Variants in MITF observed in about 807,000 individuals in gnomAD.
MITF encodes microphthalmia-associated transcription factor.
Under a neutral mutation model 60.5 loss-of-function variants are expected in MITF, and 17 were observed. That is an observed-to-expected ratio of 0.28 (90% CI 0.19 to 0.42). MITF has a LOEUF of 0.42. MITF is among the 10% of genes least tolerant of loss of function. The pLI is 1.00. For missense variants in MITF, 622 were observed against 683.5 expected (o/e 0.91, Z 1.00); for synonymous variants, 260 against 248.5 (o/e 1.05, Z -0.43).
intron 1 of MITF, among the ~76,000 whole-genome samples, chr3:69,741,008 G>T (rs1206079903): frequency 6.6e-6 from 1 of 152,220 alleles, no homozygotes. Context: ...CTTTATCCAA[G>T]TTGGGGAAGA....
intron 5 of MITF, 113 bp from the exon 6 acceptor site, chr3:69,948,938 T>G: frequency 1.2e-6 from 1 of 800,196 alleles, no homozygotes; most frequent in Non-Finnish European, 2.1e-6. Context: ...AAAATGATTT[T>G]TTGTATCAAA....
chr3:69,960,490 C>G (rs1576058185), intron 9 of MITF, among the ~76,000 whole-genome samples: 1 of 152,244 alleles, frequency 6.6e-6, no homozygotes, highest in East Asian at 1.9e-4. Context: ...AAGGGCACTA[C>G]TTCCTCTGAA....
At chr3:69,764,597 C>A (rs2062261313) in intron 1 of MITF, among the ~76,000 whole-genome samples, 1 of 152,112 alleles carries the variant, frequency 6.6e-6, no homozygotes, top group Non-Finnish European at 1.5e-5. Flanking sequence ...CTTTAATAAC[C>A]CCAGACAGAG....
chr3:69,845,768 G>A (rs1025613942), intron 1 of MITF, among the ~76,000 whole-genome samples: 2 of 152,022 alleles, frequency 1.3e-5, no homozygotes, highest in African/African-American at 4.8e-5. Context: ...CCCATTGTTG[G>A]TCCACCACCC....
At chr3:69,872,195 T>C (rs983540381) in intron 1 of MITF, among the ~76,000 whole-genome samples, 1 of 152,142 alleles carries the variant, frequency 6.6e-6, no homozygotes, top group African/African-American at 2.4e-5. Context: ...CTGTGGAAAA[T>C]GGAGATCAGT....
chr3:69,967,512 C>T lies in MITF; in HGVS notation c.*2264C>T. The T allele has an allele frequency of 4.3e-6, 1 of 233,518 alleles. No homozygotes were observed. Among genetic ancestry groups the T allele is most frequent in the Non-Finnish European group, 8.5e-6 (1 of 117,906 alleles). The allele number at this position is 233,518 out of a possible 1,614,324, so 14.5% of individuals were successfully genotyped here. A position where few individuals can be genotyped will look rare whatever the true frequency, so the allele number is the denominator to read the frequency against. On this transcript the variant is annotated 3_prime_UTR_variant, in exon 10 of 10. Transcript: ENST00000352241. ...TAAAGCAAGGTTGACTAACCTACGG[C>T]CACGGGAACAGGACCATGGTTAAGC...
intron 2 of MITF, chr3:69,936,577 T>G: frequency 1.3e-6 from 2 of 1,505,264 alleles, no homozygotes; most frequent in Non-Finnish European, 1.8e-6. Flanking sequence ...GCAGGGCTTC[T>G]GTGATAAAGT....
At chr3:69,860,496 G>A (rs962721913) in intron 1 of MITF, among the ~76,000 whole-genome samples, 8 of 151,726 alleles carry the variant, frequency 5.3e-5, no homozygotes, top group African/African-American at 1.9e-4. Context: ...TATTCGGGAG[G>A]CTGAGGCAGG....
At chr3:69,749,725 A>G (rs556390855) in intron 1 of MITF, among the ~76,000 whole-genome samples, 1 of 152,364 alleles carries the variant, frequency 6.6e-6, no homozygotes, top group South Asian at 2.1e-4. Flanking sequence ...GCAAAGAAGC[A>G]TGCTTGGAGG....
intron 1 of MITF, among the ~76,000 whole-genome samples, chr3:69,833,222 T>C (rs1471015235): frequency 2.0e-5 from 3 of 152,260 alleles, no homozygotes; most frequent in Admixed American, 2.0e-4. Context: ...CATGTGGTTA[T>C]TTCCCTGTTT....
chr3:69,852,890 G>C (rs982942897), intron 1 of MITF, among the ~76,000 whole-genome samples: 2 of 152,134 alleles, frequency 1.3e-5, no homozygotes, highest in African/African-American at 4.8e-5. Context: ...GTGAGTGCAT[G>C]AAGAGTAGTA....
chr3:69,834,848 T>TTC (rs1245621026), intron 1 of MITF, among the ~76,000 whole-genome samples: 3 of 146,584 alleles, frequency 2.0e-5, no homozygotes, highest in African/African-American at 7.4e-5. Context: ...TTTCTTTTCT[T>TTC]TTTTTTTTTT....
At chr3:69,940,464 A>G (rs1331381508) in intron 4 of MITF, among the ~76,000 whole-genome samples, 2 of 152,230 alleles carry the variant, frequency 1.3e-5, no homozygotes, top group Non-Finnish European at 2.9e-5. Context: ...GTTTATTATC[A>G]TAACTTATGT....
At chr3:69,752,878 T>A (rs1393802685) in intron 1 of MITF, among the ~76,000 whole-genome samples, 1 of 152,206 alleles carries the variant, frequency 6.6e-6, no homozygotes, top group East Asian at 1.9e-4. Context: ...ACTCCCCTTT[T>A]GCCTTCTGCC....
chr3:69,968,015 T>C lies in MITF; in HGVS notation c.*2767T>C, dbSNP rs2066732476. The C allele has an allele frequency of 4.3e-6, 1 of 233,436 alleles. No individual in the cohort carries two copies. The highest frequency in any genetic ancestry group is 1.3e-3 in the Middle Eastern group (1 of 786). The allele number at this position is 233,436 out of a possible 1,614,324, so 14.5% of individuals were successfully genotyped here. ...ATTCTTTCTGGTTGTTTTTAAACAA[T>C]AAAGCAATAAGAACAAATACAATAC... On this transcript the variant is annotated 3_prime_UTR_variant, in exon 10 of 10. Coordinates refer to ENST00000352241, the MANE Select transcript of MITF (RefSeq NM_001354604.2).
intron 2 of MITF, among the ~76,000 whole-genome samples, chr3:69,905,283 A>G (rs1402283034): frequency 6.6e-6 from 1 of 152,150 alleles, no homozygotes; most frequent in Admixed American, 6.5e-5. Context: ...ATTAATTTGC[A>G]GTTCAGCCAT....
At chr3:69,742,581 C>T (rs1354969054) in intron 1 of MITF, among the ~76,000 whole-genome samples, 2 of 152,150 alleles carry the variant, frequency 1.3e-5, no homozygotes, top group African/African-American at 4.8e-5. Flanking sequence ...GGCCCTTCCA[C>T]CACTGGGCAT....
intron 1 of MITF, among the ~76,000 whole-genome samples, chr3:69,793,680 A>G (rs928479171): frequency 5.3e-5 from 8 of 152,212 alleles, no homozygotes; most frequent in Non-Finnish European, 7.3e-5. Context: ...ATGTGGAAGA[A>G]CACTACTTTT....
At chr3:69,902,604 C>A (rs1006841000) in intron 2 of MITF, among the ~76,000 whole-genome samples, 1 of 152,002 alleles carries the variant, frequency 6.6e-6, no homozygotes, top group Non-Finnish European at 1.5e-5. Context: ...AGAATAGAAC[C>A]CTTTGAAAAC....
Sources: allele counts gnomAD v4.1 joint callset (sites outside exome capture counted in the v4.1 genomes callset), GRCh38; gene constraint gnomAD v4.1.1; transcripts MANE v1.5; gene names NCBI Gene and HGNC (gene_info 2026-07-23, HGNC 2026-07-21).